EGFLAM: variants seen among roughly 807,000 people sequenced by gnomAD.
EGFLAM encodes EGF like, fibronectin type III and laminin G domains, also known as pikachurin.
Under a neutral mutation model 113.1 loss-of-function variants are expected in EGFLAM, and 79 were observed. The observed-to-expected ratio is 0.70, with a 90% CI of 0.58 to 0.84. The LOEUF is 0.84. Among genes scored for constraint, EGFLAM ranks in the 40% least tolerant of loss-of-function variants. The probability of loss-of-function intolerance (pLI) is 0.00; values close to 1 mark genes in which losing one functional copy is unlikely to be tolerated. For synonymous variants in EGFLAM, 504 were observed against 487.6 expected (o/e 1.03, Z -0.44); for missense variants, 1,265 against 1,291.6 (o/e 0.98, Z 0.32).
At chr5:38,408,021 A>G (rs1304339516) in intron 9 of EGFLAM, 116 bp downstream of exon 9, 1 of 716,126 alleles carries the variant, frequency 1.4e-6, no homozygotes, top group Admixed American at 2.4e-5. Flanking sequence ...CGAAAGGTAA[A>G]TATGACACAG....
chr5:38,403,844 G>T (rs1741192624), intron 6 of EGFLAM: 1 of 1,613,660 alleles, frequency 6.2e-7, no homozygotes, highest in Non-Finnish European at 8.5e-7. Flanking sequence ...AAGACATCTG[G>T]CACACAGATA....
chr5:38,327,032 A>G (rs1487511298), intron 1 of EGFLAM, among the ~76,000 whole-genome samples: 1 of 151,004 alleles, frequency 6.6e-6, no homozygotes, highest in African/African-American at 2.4e-5. Context: ...CCCTGACCTC[A>G]GGTGATCCAC....
At chr5:38,446,959 C>T (rs538125603) in intron 17 of EGFLAM, among the ~76,000 whole-genome samples, 12 of 152,200 alleles carry the variant, frequency 7.9e-5, no homozygotes, top group Admixed American at 5.2e-4. Flanking sequence ...TTGCACCAAC[C>T]ATGTATTTTC....
intron 1 of EGFLAM, among the ~76,000 whole-genome samples, chr5:38,259,958 C>T (rs1381872657): frequency 6.6e-6 from 1 of 152,188 alleles, no homozygotes; most frequent in Admixed American, 6.5e-5. Context: ...TGACTTGTTG[C>T]ATTTCGGCTC....
intron 6 of EGFLAM, among the ~76,000 whole-genome samples, chr5:38,392,632 G>A (rs1215884223): frequency 6.6e-6 from 1 of 150,594 alleles, no homozygotes; most frequent in African/African-American, 2.5e-5. Context: ...TTTTTTTTGG[G>A]GGGGCGGTTC....
At chr5:38,417,971 T>C in intron 11 of EGFLAM, 95 bp from the exon 12 acceptor site, 1 of 1,259,430 alleles carries the variant, frequency 7.9e-7, no homozygotes. Flanking sequence ...GGGCTGTCAC[T>C]GACGTCTTAA....
intron 17 of EGFLAM, among the ~76,000 whole-genome samples, chr5:38,447,920 T>C (rs188840592): frequency 6.4e-4 from 97 of 152,316 alleles, no homozygotes; most frequent in African/African-American, 2.3e-3. Context: ...TATTTAGGGA[T>C]TTGTTTTCTC....
At chr5:38,386,816 T>G (rs977129225) in intron 6 of EGFLAM, among the ~76,000 whole-genome samples, 1 of 152,216 alleles carries the variant, frequency 6.6e-6, no homozygotes, top group African/African-American at 2.4e-5. Flanking sequence ...GAGTACTTAT[T>G]TTTGCCAAAC....
chr5:38,372,381 G>A (rs1005248466), intron 6 of EGFLAM, among the ~76,000 whole-genome samples: 1 of 152,072 alleles, frequency 6.6e-6, no homozygotes, highest in Non-Finnish European at 1.5e-5. Flanking sequence ...GGATGGTCTC[G>A]AACTCCTGAC....
intron 1 of EGFLAM, among the ~76,000 whole-genome samples, chr5:38,315,830 C>T (rs1738578824): frequency 6.6e-6 from 1 of 152,146 alleles, no homozygotes; most frequent in South Asian, 2.1e-4. Flanking sequence ...AATTTTAGCA[C>T]TTTGGGAAGC....
intron 16 of EGFLAM, among the ~76,000 whole-genome samples, chr5:38,436,995 G>A (rs1266696420): frequency 6.6e-6 from 1 of 152,182 alleles, no homozygotes; most frequent in African/African-American, 2.4e-5. Context: ...GGGCAGTGGG[G>A]GTTCCCCTGG....
At chr5:38,452,722 A>C (rs1742961989) in intron 19 of EGFLAM, among the ~76,000 whole-genome samples, 1 of 152,238 alleles carries the variant, frequency 6.6e-6, no homozygotes, top group Non-Finnish European at 1.5e-5. Context: ...GGAACAAAGC[A>C]CAGATTCATG....
chr5:38,388,307 C>A (rs1740716966), intron 6 of EGFLAM, among the ~76,000 whole-genome samples: 1 of 152,150 alleles, frequency 6.6e-6, no homozygotes, highest in Admixed American at 6.5e-5. Flanking sequence ...TCTTACAGAA[C>A]TCTTAATGTC....
At chr5:38,408,966 GCTTA>G in intron 9 of EGFLAM, 34 bp from the exon 10 acceptor site, 1 of 1,520,074 alleles carries the variant, frequency 6.6e-7, no homozygotes, top group Non-Finnish European at 9.0e-7. Context: ...AAGGGGAGGT[GCTTA>G]CTGTTCATGT....
chr5:38,418,638 A>T (rs1268287376), intron 12 of EGFLAM, among the ~76,000 whole-genome samples: 1 of 151,988 alleles, frequency 6.6e-6, no homozygotes, highest in Non-Finnish European at 1.5e-5. Context: ...GCTTTCATAC[A>T]CTCTCTGTTT....
chr5:38,383,917 G>A (rs1045203290), intron 6 of EGFLAM, among the ~76,000 whole-genome samples: 2 of 152,102 alleles, frequency 1.3e-5, no homozygotes, highest in African/African-American at 4.8e-5. Context: ...TGGGAATGTG[G>A]TGAGTGAGAA....
At chr5:38,436,615 C>T (rs986834886) in intron 16 of EGFLAM, among the ~76,000 whole-genome samples, 5 of 152,148 alleles carry the variant, frequency 3.3e-5, no homozygotes, top group Non-Finnish European at 7.4e-5. Flanking sequence ...GATGCTAAGA[C>T]GTTTCCCATC....
At chr5:38,322,997 C>A (rs577291754) in intron 1 of EGFLAM, among the ~76,000 whole-genome samples, 2 of 152,336 alleles carry the variant, frequency 1.3e-5, no homozygotes, top group African/African-American at 4.8e-5. Flanking sequence ...GTTACACATT[C>A]ATAGTGCTGC....
intron 1 of EGFLAM, among the ~76,000 whole-genome samples, chr5:38,271,222 T>C (rs1757756529): frequency 6.6e-6 from 1 of 152,198 alleles, no homozygotes; most frequent in Admixed American, 6.5e-5. Context: ...CTCCCTACCT[T>C]GAAAGACATC....
Sources: gnomAD v4.1 joint callset for allele counts (sites outside exome capture counted in the v4.1 genomes callset) on GRCh38, gnomAD v4.1.1 for gene constraint, MANE v1.5 for transcripts, NCBI Gene and HGNC (gene_info 2026-07-23, HGNC 2026-07-21) for gene names.